The following TTC12 variants were observed in gnomAD, a reference collection of about 807,000 sequenced individuals.
The protein encoded by TTC12 is tetratricopeptide repeat protein 12.
Under a neutral mutation model 90.1 loss-of-function variants are expected in TTC12, and 70 were observed. The ratio of observed to expected loss-of-function variants is 0.78; its 90% CI spans 0.64 to 0.95. The LOEUF is 0.95. TTC12 is among the 40% of genes least tolerant of loss of function. The probability of loss-of-function intolerance (pLI) is 0.00; values close to 1 mark genes in which losing one functional copy is unlikely to be tolerated. For synonymous variants in TTC12, 296 were observed against 311.5 expected, an observed-to-expected ratio of 0.95 and a Z score of 0.53; for missense variants, 819 against 846.1, an observed-to-expected ratio of 0.97 and a Z score of 0.40.
At chr11:113,368,741 G>C (rs1950296187), downstream of TTC12, 8 of 543,582 alleles carry the variant, frequency 1.5e-5, no homozygotes, top group Non-Finnish European at 2.0e-5. Context: ...ACTTTTTTAA[G>C]GATAGGTTCA....
At chr11:113,320,487 G>A (rs1409619912) in intron 2 of TTC12, among the ~76,000 whole-genome samples, 1 of 152,066 alleles carries the variant, frequency 6.6e-6, no homozygotes, top group Non-Finnish European at 1.5e-5. Flanking sequence ...AGGCTCCAGG[G>A]GAAGATCATC....
chr11:113,340,778 A>T, intron 11 of TTC12, 45 bp downstream of exon 11: 7 of 1,470,264 alleles, frequency 4.8e-6, no homozygotes, highest in Non-Finnish European at 6.7e-6. Flanking sequence ...GCAAGGGAAG[A>T]TAACCACTGC....
chr11:113,324,049 C>T, intron 4 of TTC12, 34 bp downstream of exon 4: 1 of 1,579,202 alleles, frequency 6.3e-7, no homozygotes, highest in South Asian at 1.1e-5. Flanking sequence ...AATTTTCATT[C>T]TTTATATAGG....
In TTC12 at chr11:113,320,875, C is replaced by G. The variant is rs913638660; in HGVS notation, c.59-2413C>G. ...GTCCTGCGAGGGGGATCAGAGAACT[C>G]CCCTGTTTCACAATCAAATCAACCA... On this transcript the variant is annotated intron_variant, in intron 2 of 21. Transcript: ENST00000529221. Among the ~76,000 whole-genome samples, 5 of 152,112 alleles carry G rather than the reference C, an allele frequency of 3.3e-5. No homozygotes were observed. The East Asian group carries it at 7.7e-4, about 23-fold the overall frequency.
At position 113,344,447 on chromosome 11, in the gene TTC12, C is replaced by T; in HGVS notation, c.1154+7C>T. On this transcript the variant is annotated splice_region_variant and intron_variant, in intron 13 of 21. Coordinates refer to ENST00000529221, the MANE Select transcript of TTC12 (RefSeq NM_017868.4). ...ACCACCTTGACCTGACCAGGTAAGCCTCTGCTGGCAGGATCTTCCTGGGAC... is the reference window on the plus strand; with the variant it reads ...ACCACCTTGACCTGACCAGGTAAGCTTCTGCTGGCAGGATCTTCCTGGGAC... 1 of 1,609,810 alleles carries T rather than the reference C, an allele frequency of 6.2e-7. No individual in the cohort carries two copies. Among genetic ancestry groups the T allele is most frequent in the Non-Finnish European group, 8.5e-7 (1 of 1,177,160 alleles).
intron 6 of TTC12, among the ~76,000 whole-genome samples, chr11:113,326,726 A>T (rs1335844695): frequency 1.3e-5 from 2 of 152,240 alleles, no homozygotes; most frequent in Non-Finnish European, 2.9e-5. Context: ...AAAACTTGTT[A>T]TAAGGAAGTG....
At chr11:113,332,366 G>T (rs185133333) in intron 7 of TTC12, among the ~76,000 whole-genome samples, 69 of 152,302 alleles carry the variant, frequency 4.5e-4, no homozygotes, top group Non-Finnish European at 8.1e-4. Flanking sequence ...ACAACTATCT[G>T]CACTTCACGG....
intron 20 of TTC12, 65 bp from the exon 21 acceptor site, chr11:113,364,770 C>T: frequency 7.3e-7 from 1 of 1,378,468 alleles, no homozygotes. Context: ...CCCCTCATGT[C>T]CTGTTGCCAG....
At position 113,340,549 on chromosome 11, in the gene TTC12, C is replaced by T. The variant is rs1555145640; in HGVS notation, c.827-115C>T. The stretch of plus-strand genomic sequence containing the variant: ...TCATTTGTTCCTGCCAAACCATTCA[C>T]GTGGGTACCGTGGCATTCCATATTA... On this transcript the variant is annotated intron_variant, in intron 10 of 21. Transcript: ENST00000529221. The T allele has an allele frequency of 5.4e-6, 4 of 745,964 alleles. No individual in the cohort carries two copies. The East Asian group carries it at 7.7e-5, about 14-fold the overall frequency. The allele number at this position is 745,964 out of a possible 1,614,324, so 46.2% of individuals were successfully genotyped here. A position where few individuals can be genotyped will look rare whatever the true frequency, so the allele number is the denominator to read the frequency against.
intron 17 of TTC12, 67 bp from the exon 18 acceptor site, chr11:113,359,873 A>C: frequency 7.7e-7 from 1 of 1,292,900 alleles, no homozygotes; most frequent in South Asian, 1.3e-5. Flanking sequence ...GCTCAGAAGA[A>C]GCTCCGCTGA....
intron 13 of TTC12, 88 bp from the exon 14 acceptor site, chr11:113,349,985 C>G: frequency 9.6e-7 from 1 of 1,043,854 alleles, no homozygotes; most frequent in Non-Finnish European, 1.5e-6. Flanking sequence ...GATGCTGACT[C>G]CTTTTTTGGT....
intron 7 of TTC12, among the ~76,000 whole-genome samples, 197 bp from the exon 8 acceptor site, chr11:113,334,769 A>G (rs1344723856): frequency 7.9e-5 from 12 of 152,094 alleles, no homozygotes; most frequent in Non-Finnish European, 1.5e-4. Flanking sequence ...TAATTTGGTG[A>G]AGAGCTTGCT....
intron 10 of TTC12, 73 bp from the exon 11 acceptor site, chr11:113,340,591 G>A: frequency 9.4e-7 from 1 of 1,068,118 alleles, no homozygotes; most frequent in Non-Finnish European, 1.5e-6. Flanking sequence ...TCATTAGCAG[G>A]TGGCTGTGTT....
intron 13 of TTC12, 40 bp from the exon 14 acceptor site, chr11:113,350,033 G>T: frequency 6.6e-7 from 1 of 1,507,166 alleles, no homozygotes; most frequent in Non-Finnish European, 9.2e-7. Context: ...GTTGTTAGTT[G>T]GAGGACAGCT....
chr11:113,371,307 TATA>T (rs1249976189), downstream of TTC12: 5 of 152,234 alleles, frequency 3.3e-5, no homozygotes, highest in Admixed American at 2.0e-4. Flanking sequence ...CTAGATTGCT[TATA>T]ATACCTAACA....
intron 16 of TTC12, among the ~76,000 whole-genome samples, chr11:113,354,012 G>C (rs1949473508): frequency 6.6e-6 from 1 of 152,178 alleles, no homozygotes; most frequent in African/African-American, 2.4e-5. Flanking sequence ...GTCAATGGTA[G>C]TTTAGTAGGA....
rs782032271 is a variant in TTC12, at chr11:113,344,433, C to G, written c.1147C>G (p.Leu383Val). ...GRSLIINHLDLTRLLEALVSF... is the reference protein window; with the variant it reads ...GRSLIINHLDVTRLLEALVSF... The stretch of plus-strand genomic sequence containing the variant: ...GAGCCTGATCATCAACCACCTTGAC[C>G]TGACCAGGTAAGCCTCTGCTGGCAG... Residue 383 changes from leucine (L) to valine (V), a missense_variant, in exon 13 of 22, where the codon CTG (leucine) becomes GTG (valine). By Grantham distance (32) the Leu-to-Val change is conservative. Transcript: ENST00000529221. 2 of 1,613,430 alleles carry G rather than the reference C, an allele frequency of 1.2e-6. No homozygotes were observed. Among genetic ancestry groups the G allele is most frequent in the Non-Finnish European group, 1.7e-6 (2 of 1,179,586 alleles).
At chr11:113,341,482 T>G (rs1285711898) in intron 11 of TTC12, among the ~76,000 whole-genome samples, 2 of 152,210 alleles carry the variant, frequency 1.3e-5, no homozygotes, top group African/African-American at 4.8e-5. Flanking sequence ...AAAGTGACTG[T>G]ATTTTCATTT....
At chr11:113,367,666 C>T (rs1950256468), downstream of TTC12, among the ~76,000 whole-genome samples, 1 of 152,194 alleles carries the variant, frequency 6.6e-6, no homozygotes, top group African/African-American at 2.4e-5. Flanking sequence ...CAGCTGTTGG[C>T]TTAAATTAAG....
Sources: allele counts gnomAD v4.1 joint callset (sites outside exome capture counted in the v4.1 genomes callset), GRCh38; gene constraint gnomAD v4.1.1; transcripts MANE v1.5; gene names NCBI Gene and HGNC (gene_info 2026-07-23, HGNC 2026-07-21).